The following RARB variants were observed in gnomAD, a reference collection of about 807,000 sequenced individuals.
RARB encodes the protein HBV-activated protein.
In RARB, 17 loss-of-function variants were observed where a neutral mutation model predicts 51.9. The ratio of observed to expected loss-of-function variants is 0.33; its 90% CI spans 0.22 to 0.49. The LOEUF (loss-of-function observed/expected upper bound fraction) is 0.49. Ranked by LOEUF, RARB falls within the 20% of genes least tolerant of loss-of-function variation. RARB has a pLI of 0.99. For missense variants in RARB, 369 were observed against 550.8 expected, an observed-to-expected ratio of 0.67 and a Z score of 3.30; for synonymous variants, 215 against 195.4, an observed-to-expected ratio of 1.10 and a Z score of -0.84.
chr3:25,204,713 A>G (rs954026715), intron 5 of RARB, among the ~76,000 whole-genome samples: 2 of 152,192 alleles, frequency 1.3e-5, no homozygotes, highest in Non-Finnish European at 2.9e-5. Context: ...TTGCCTGGGT[A>G]TCAGCAGCAG....
intron 4 of RARB, among the ~76,000 whole-genome samples, chr3:25,571,597 G>C (rs1700714513): frequency 6.6e-6 from 1 of 152,216 alleles, no homozygotes; most frequent in South Asian, 2.1e-4. Context: ...CACTGTAAGG[G>C]AGCTTTCATT....
intron 2 of RARB, among the ~76,000 whole-genome samples, chr3:25,044,778 C>T (rs1024664362): frequency 1.3e-5 from 2 of 152,184 alleles, no homozygotes; most frequent in African/African-American, 4.8e-5. Context: ...AATAGAACTT[C>T]TTCCTAGCAG....
intron 2 of RARB, among the ~76,000 whole-genome samples, chr3:24,865,349 G>T (rs566874374): frequency 6.6e-6 from 1 of 152,118 alleles, no homozygotes; most frequent in South Asian, 2.1e-4. Context: ...GATGCTTGCA[G>T]TTTGACCCAT....
At chr3:24,910,820 C>T (rs773833689) in intron 2 of RARB, among the ~76,000 whole-genome samples, 3 of 152,210 alleles carry the variant, frequency 2.0e-5, no homozygotes, top group Non-Finnish European at 2.9e-5. Flanking sequence ...TATATTGCTG[C>T]TGCTGCATTA....
intron 2 of RARB, among the ~76,000 whole-genome samples, chr3:24,986,061 G>A (rs1271112912): frequency 1.3e-5 from 2 of 152,180 alleles, no homozygotes; most frequent in East Asian, 1.9e-4. Context: ...TAAGAACCAC[G>A]GGTAAAATCA....
At chr3:25,566,946 G>A (rs549464454) in intron 3 of RARB, among the ~76,000 whole-genome samples, 1 of 152,320 alleles carries the variant, frequency 6.6e-6, no homozygotes, top group South Asian at 2.1e-4. Flanking sequence ...CTTACTGTGG[G>A]GATTTCGCGA....
chr3:24,941,536 A>AT, intron 2 of RARB, among the ~76,000 whole-genome samples: 1 of 152,066 alleles, frequency 6.6e-6, no homozygotes, highest in East Asian at 1.9e-4. Context: ...TGCCCGGCTC[A>AT]TTTTTGCATT....
rs1293900376 is a variant in RARB, at chr3:25,434,047, ACT to A, written c.157+5164_157+5165del. 3.3e-5 allele frequency among the ~76,000 whole-genome samples: 5 copies of A among 151,968 alleles called. No homozygotes were observed. In the East Asian group the frequency reaches 9.7e-4, roughly 29 times the overall value. On this transcript the variant is annotated intron_variant, in intron 1 of 7. Transcript: ENST00000330688. ...CAAGGGGACCATTTAGTAAGATAAG[ACT>A]CTCTGCCCCCTGCGCGATAAGGCGA...
chr3:25,239,607 C>CTA lies in RARB; in HGVS notation c.178+65039_178+65040dup, dbSNP rs1293093663. ...GACCTCTTTGTCAAAAATCAGTTGG[C>CTA]TATATATACATAGATTTATTTCTGG... On this transcript the variant is annotated intron_variant, in intron 5 of 11. Coordinates refer to the RARB transcript ENST00000383772. 7.2e-5 allele frequency among the ~76,000 whole-genome samples: 11 copies of CTA among 152,232 alleles called. 1 individual carries two copies. Among genetic ancestry groups the CTA allele is most frequent in the African/African-American group, 2.6e-4 (11 of 41,554 alleles).
chr3:25,289,359 C>A (rs913044957), intron 5 of RARB, among the ~76,000 whole-genome samples: 1 of 152,216 alleles, frequency 6.6e-6, no homozygotes, highest in Non-Finnish European at 1.5e-5. Context: ...AGGGGCTATC[C>A]AAGAGACAGA....
intron 2 of RARB, among the ~76,000 whole-genome samples, chr3:25,053,337 C>G (rs75561657): frequency 0.042 from 6,362 of 152,204 alleles, 262 homozygotes; most frequent in East Asian, 0.19. Context: ...CTGTCTTTTT[C>G]TCTCACAAGA....
intron 5 of RARB, among the ~76,000 whole-genome samples, chr3:25,205,747 T>C (rs1237821378): frequency 1.7e-5 from 2 of 119,982 alleles, no homozygotes; most frequent in Non-Finnish European, 4.0e-5. Flanking sequence ...ATTAAAAACC[T>C]TTTTTTTTTT....
intron 2 of RARB, among the ~76,000 whole-genome samples, chr3:25,024,439 A>G (rs1356799978): frequency 6.6e-6 from 1 of 152,186 alleles, no homozygotes; most frequent in East Asian, 1.9e-4. Flanking sequence ...GATTAAAATT[A>G]ATAAGATTTG....
chr3:25,194,444 A>G (rs1274477858), intron 5 of RARB, among the ~76,000 whole-genome samples: 1 of 151,272 alleles, frequency 6.6e-6, no homozygotes, highest in Admixed American at 6.6e-5. Flanking sequence ...TTTGCTTGAC[A>G]GTAGTAATCA....
chr3:25,313,600 C>T (rs1365926566), intron 5 of RARB, among the ~76,000 whole-genome samples: 1 of 152,176 alleles, frequency 6.6e-6, no homozygotes, highest in Non-Finnish European at 1.5e-5. Flanking sequence ...TCTTCTCCAC[C>T]TTTCTCCTAT....
At position 25,411,650 on chromosome 3, in the gene RARB, C is replaced by G. The variant is rs190004810; in HGVS notation, c.179-49543C>G. The stretch of plus-strand genomic sequence containing the variant: ...ATATCTCCCAGACACTCAAATCGCC[C>G]GAGGAATATTACTGCTCTGGTTGAA... On this transcript the variant is annotated intron_variant, in intron 5 of 11. Coordinates refer to the RARB transcript ENST00000383772. 2.5e-3 allele frequency among the ~76,000 whole-genome samples: 380 copies of G among 152,254 alleles called. 1 individual carries two copies. The highest frequency in any genetic ancestry group is 4.2e-3 in the Non-Finnish European group (287 of 68,016).
intron 5 of RARB, among the ~76,000 whole-genome samples, chr3:25,335,067 C>A (rs1361032006): frequency 4.6e-5 from 7 of 152,112 alleles, no homozygotes; most frequent in Admixed American, 4.6e-4. Flanking sequence ...ATTCCAGCCC[C>A]CACCCATGCT....
intron 5 of RARB, among the ~76,000 whole-genome samples, chr3:25,343,817 G>A (rs1705305335): frequency 6.6e-6 from 1 of 152,254 alleles, no homozygotes; most frequent in East Asian, 1.9e-4. Flanking sequence ...GGCAAAGTTT[G>A]GGAGCTGCTG....
At chr3:25,021,427 T>C (rs867981447) in intron 2 of RARB, among the ~76,000 whole-genome samples, 1 of 151,934 alleles carries the variant, frequency 6.6e-6, no homozygotes, top group Non-Finnish European at 1.5e-5. Context: ...TGCTTGTAAA[T>C]GAGCTAAGAA....
Sources: allele counts gnomAD v4.1 joint callset (sites outside exome capture counted in the v4.1 genomes callset), GRCh38; gene constraint gnomAD v4.1.1; transcripts MANE v1.5; gene names NCBI Gene and HGNC (gene_info 2026-07-23, HGNC 2026-07-21).